Variants in COL21A1 observed in about 807,000 individuals in gnomAD.
The protein encoded by COL21A1 is collagen type XXI alpha 1 chain.
COL21A1 carries 149 observed loss-of-function variants against 137.9 expected under a neutral mutation model. The ratio of observed to expected loss-of-function variants is 1.08; its 90% CI spans 0.95 to 1.24. The LOEUF is 1.24. Among genes scored for constraint, COL21A1 ranks in the 50% most tolerant of loss-of-function variants. COL21A1 has a pLI of 0.00. For synonymous variants in COL21A1, 456 were observed against 391.5 expected (o/e 1.16, Z -1.95); for missense variants, 1,167 against 1,158.4 (o/e 1.01, Z -0.11).
At chr6:56,351,635 C>T (rs1450499092) in intron 1 of COL21A1, among the ~76,000 whole-genome samples, 1 of 152,170 alleles carries the variant, frequency 6.6e-6, no homozygotes, top group Non-Finnish European at 1.5e-5. Flanking sequence ...GAGCAAAGGC[C>T]TCAAGAACTG....
intron 1 of COL21A1, among the ~76,000 whole-genome samples, chr6:56,267,754 T>TAA (rs61326932): frequency 1.8e-4 from 24 of 131,428 alleles, no homozygotes; most frequent in South Asian, 4.9e-4. Context: ...AAGACTCTGT[T>TAA]AAAAAAAAAA....
At chr6:56,295,000 A>T (rs371077262) in intron 1 of COL21A1, among the ~76,000 whole-genome samples, 3 of 152,092 alleles carry the variant, frequency 2.0e-5, no homozygotes, top group Non-Finnish European at 2.9e-5. Flanking sequence ...TATTGTATAT[A>T]AAAAAGTCAA....
In COL21A1 at chr6:56,151,280, G is replaced by C. The variant is rs571098429; in HGVS notation, c.1434+5607C>G. Among the ~76,000 whole-genome samples the C allele has an allele frequency of 4.9e-4, 74 of 152,188 alleles. 3 individuals carry two copies. The South Asian group carries it at 0.015, about 31-fold the overall frequency. On this transcript the variant is annotated intron_variant, in intron 10 of 29. Coordinates refer to ENST00000244728, the MANE Select transcript of COL21A1 (RefSeq NM_030820.4). ...GAGTAACTAATGATAACAGAAACCA[G>C]AAATGAGCACTGTAAAAATATAAAC...
At chr6:56,265,993 C>T (rs4715604) in intron 1 of COL21A1, among the ~76,000 whole-genome samples, 151,630 of 152,340 alleles carry the variant, frequency 1, 75,464 homozygotes, top group Middle Eastern at 1. Flanking sequence ...CCCATGAACC[C>T]TGCCTCAGCA....
intron 1 of COL21A1, among the ~76,000 whole-genome samples, chr6:56,382,734 C>A (rs553447301): frequency 6.6e-6 from 1 of 152,120 alleles, no homozygotes; most frequent in Non-Finnish European, 1.5e-5. Flanking sequence ...AGGGCCCTCA[C>A]CAGAAACAAA....
chr6:56,268,599 C>T (rs1432862016), intron 1 of COL21A1, among the ~76,000 whole-genome samples: 1 of 152,200 alleles, frequency 6.6e-6, no homozygotes, highest in African/African-American at 2.4e-5. Flanking sequence ...TGTACTGAGA[C>T]TTGGCCCTCT....
intron 17 of COL21A1, among the ~76,000 whole-genome samples, chr6:56,078,341 C>A (rs1320044307): frequency 6.6e-6 from 1 of 151,632 alleles, no homozygotes; most frequent in African/African-American, 2.4e-5. Flanking sequence ...TTGTACTAAT[C>A]AATTTTTGCT....
At chr6:56,100,512 G>A (rs1770357873) in intron 17 of COL21A1, among the ~76,000 whole-genome samples, 1 of 152,088 alleles carries the variant, frequency 6.6e-6, no homozygotes, top group Non-Finnish European at 1.5e-5. Flanking sequence ...TCATACTGCT[G>A]AAATGTAGCA....
intron 1 of COL21A1, among the ~76,000 whole-genome samples, chr6:56,309,135 C>T (rs572060693): frequency 6.6e-4 from 100 of 151,882 alleles, no homozygotes; most frequent in African/African-American, 2.2e-3. Context: ...CTCTGCCTCC[C>T]GGGTTAAGCG....
rs147253709 is a variant in COL21A1, at chr6:56,289,252, T to A, written c.-39+104719A>T. ...GCTAGCAGCTAAAAGAAAGTTTCGA[T>A]AAACATGTCAGCTTTCTCTCCACTT... On this transcript the variant is annotated intron_variant, in intron 1 of 28. Transcript: ENST00000370819. 8.6e-3 allele frequency among the ~76,000 whole-genome samples: 1,317 copies of A among 152,332 alleles called. 17 individuals are homozygous for A. Among genetic ancestry groups the A allele is most frequent in the African/African-American group, 0.03 (1,232 of 41,562 alleles).
At chr6:56,265,639 T>C (rs1181996288) in intron 1 of COL21A1, among the ~76,000 whole-genome samples, 1 of 152,216 alleles carries the variant, frequency 6.6e-6, no homozygotes, top group Admixed American at 6.5e-5. Flanking sequence ...TGGTTCCCAC[T>C]GGTGACAGAT....
intron 9 of COL21A1, 38 bp from the exon 10 acceptor site, chr6:56,156,987 A>G: frequency 6.8e-7 from 1 of 1,466,468 alleles, no homozygotes; most frequent in African/African-American, 1.4e-5. Context: ...GTACAAAACA[A>G]CCAGCCACAT....
intron 1 of COL21A1, among the ~76,000 whole-genome samples, chr6:56,193,792 C>G (rs557387134): frequency 1.3e-5 from 2 of 150,572 alleles, no homozygotes; most frequent in East Asian, 3.9e-4. Flanking sequence ...GAGTCTCACT[C>G]TCACCAGGCT....
intron 1 of COL21A1, among the ~76,000 whole-genome samples, chr6:56,386,632 AG>A (rs2094018858): frequency 6.6e-6 from 1 of 152,072 alleles, no homozygotes; most frequent in South Asian, 2.1e-4. Flanking sequence ...AGCTAGCCTA[AG>A]GGGTGTGAAG....
At chr6:56,302,517 T>G (rs1468759127) in intron 1 of COL21A1, among the ~76,000 whole-genome samples, 1 of 152,032 alleles carries the variant, frequency 6.6e-6, no homozygotes, top group East Asian at 1.9e-4. Context: ...GTTGGCTGCA[T>G]AAATGTCTTC....
chr6:56,266,026 T>C (rs1325716152), intron 1 of COL21A1, among the ~76,000 whole-genome samples: 3 of 152,220 alleles, frequency 2.0e-5, no homozygotes, highest in Non-Finnish European at 1.5e-5. Context: ...TCTGTCCCAG[T>C]GCTTTTAACG....
chr6:56,260,659 TGAAGGAAGGAAG>T (rs1227878397), intron 1 of COL21A1, among the ~76,000 whole-genome samples: 1 of 75,636 alleles, frequency 1.3e-5, no homozygotes, highest in Non-Finnish European at 2.7e-5. Flanking sequence ...AAGGAAGGAA[TGAAGGAAGGAAG>T]GAAGGAAGGA....
At chr6:56,295,068 G>A (rs1303764194) in intron 1 of COL21A1, among the ~76,000 whole-genome samples, 1 of 151,956 alleles carries the variant, frequency 6.6e-6, no homozygotes, top group East Asian at 1.9e-4. Context: ...TTTGCATTTT[G>A]CATGTACGTC....
At chr6:56,366,000 G>C (rs1376383462) in intron 1 of COL21A1, among the ~76,000 whole-genome samples, 1 of 152,148 alleles carries the variant, frequency 6.6e-6, no homozygotes, top group African/African-American at 2.4e-5. Flanking sequence ...GTCACAATTA[G>C]AAATGCAATC....
Sources: allele counts gnomAD v4.1 joint callset (sites outside exome capture counted in the v4.1 genomes callset), GRCh38; gene constraint gnomAD v4.1.1; transcripts MANE v1.5; gene names NCBI Gene and HGNC (gene_info 2026-07-23, HGNC 2026-07-21).